MAPK9: variants seen among roughly 807,000 people sequenced by gnomAD.
MAPK9 encodes the protein Jun kinase.
Under a neutral mutation model 57.1 loss-of-function variants are expected in MAPK9, and 30 were observed. The ratio of observed to expected loss-of-function variants is 0.53; its 90% CI spans 0.39 to 0.71. The LOEUF (loss-of-function observed/expected upper bound fraction) is 0.71. Among genes scored for constraint, MAPK9 ranks in the 30% least tolerant of loss-of-function variants. The pLI, the probability that MAPK9 is intolerant of heterozygous loss-of-function variation, is 0.00. For synonymous variants in MAPK9, 155 were observed against 177.0 expected (o/e 0.88, Z 0.99); for missense variants, 362 against 521.0 (o/e 0.69, Z 2.97).
intron 5 of MAPK9, among the ~76,000 whole-genome samples, chr5:180,250,200 A>G (rs769584302): frequency 6.6e-6 from 1 of 152,090 alleles, no homozygotes; most frequent in Non-Finnish European, 1.5e-5. Context: ...GACACTTGGG[A>G]AGTGTCTGCA....
chr5:180,269,200 A>G (rs1315397934), intron 3 of MAPK9, 80 bp downstream of exon 3: 2 of 1,422,916 alleles, frequency 1.4e-6, no homozygotes, highest in African/African-American at 1.4e-5. Context: ...TCTGAACTCA[A>G]TGTATCTCCA....
intron 3 of MAPK9, among the ~76,000 whole-genome samples, chr5:180,267,432 G>C (rs1031425441): frequency 5.3e-4 from 81 of 151,722 alleles, no homozygotes; most frequent in Non-Finnish European, 9.4e-4. Flanking sequence ...TGTGGTGGCG[G>C]GCACCTGTAG....
chr5:180,251,544 T>C (rs1259566089), intron 5 of MAPK9, among the ~76,000 whole-genome samples: 2 of 152,282 alleles, frequency 1.3e-5, no homozygotes, highest in South Asian at 4.1e-4. Context: ...GTGTGGCCAA[T>C]GGGGAGGTGG....
intron 1 of MAPK9, among the ~76,000 whole-genome samples, chr5:180,283,346 T>C (rs1488823546): frequency 6.6e-6 from 1 of 152,212 alleles, no homozygotes; most frequent in Non-Finnish European, 1.5e-5. Flanking sequence ...TCCTTGCTGC[T>C]GGCTGAGGGA....
At chr5:180,267,568 A>C (rs1051671775) in intron 3 of MAPK9, among the ~76,000 whole-genome samples, 2 of 151,082 alleles carry the variant, frequency 1.3e-5, no homozygotes, top group Admixed American at 6.6e-5. Context: ...TCTCAAAAAA[A>C]AAAAAAAAAA....
chr5:180,250,985 C>CA (rs34562145), intron 5 of MAPK9, among the ~76,000 whole-genome samples: 1,666 of 152,248 alleles, frequency 0.011, 27 homozygotes, highest in African/African-American at 0.037. Context: ...TTTTTAAAAT[C>CA]AAAGAGTATG....
At chr5:180,240,222 A>C (rs1391836033) in intron 9 of MAPK9, among the ~76,000 whole-genome samples, 3 of 152,204 alleles carry the variant, frequency 2.0e-5, no homozygotes, top group Non-Finnish European at 4.4e-5. Context: ...TAATCACCTG[A>C]CCTCAAAACG....
At chr5:180,284,709 T>C (rs1762592863) in intron 1 of MAPK9, among the ~76,000 whole-genome samples, 2 of 152,240 alleles carry the variant, frequency 1.3e-5, no homozygotes, top group Admixed American at 1.3e-4. Context: ...TAACACTTCT[T>C]GTAACAGGCA....
chr5:180,269,847 T>G (rs985216661), intron 2 of MAPK9, among the ~76,000 whole-genome samples: 15 of 152,208 alleles, frequency 9.9e-5, no homozygotes, highest in Admixed American at 9.8e-4. Flanking sequence ...GGAGAATAAA[T>G]CTAAATTTTG....
At chr5:180,248,831 T>G in intron 6 of MAPK9, 142 bp downstream of exon 6, 2 of 744,570 alleles carry the variant, frequency 2.7e-6, no homozygotes, top group Non-Finnish European at 4.0e-6. Context: ...AATTATTTCT[T>G]ATCTCTGGAT....
intron 6 of MAPK9, 118 bp downstream of exon 6, chr5:180,248,855 G>T: frequency 1.1e-6 from 1 of 941,022 alleles, no homozygotes; most frequent in Non-Finnish European, 1.5e-6. Flanking sequence ...GCTATATTCT[G>T]GGTGTAACAG....
intron 10 of MAPK9, among the ~76,000 whole-genome samples, chr5:180,239,601 A>C (rs1306166283): frequency 6.6e-6 from 1 of 152,248 alleles, no homozygotes; most frequent in Admixed American, 6.5e-5. Flanking sequence ...AAACATATGT[A>C]CAACTACATG....
intron 2 of MAPK9, among the ~76,000 whole-genome samples, chr5:180,271,949 A>C (rs1408729877): frequency 6.6e-6 from 1 of 152,236 alleles, no homozygotes; most frequent in Non-Finnish European, 1.5e-5. Flanking sequence ...CTAATAAAAA[A>C]TGCCAGTTTT....
At chr5:180,284,602 T>C (rs763559366) in intron 1 of MAPK9, among the ~76,000 whole-genome samples, 35 of 152,374 alleles carry the variant, frequency 2.3e-4, no homozygotes, top group Non-Finnish European at 4.7e-4. Context: ...CTAATAAAAA[T>C]GTTAACTGCA....
At chr5:180,287,365 C>T (rs763103271) in intron 1 of MAPK9, among the ~76,000 whole-genome samples, 58 of 152,218 alleles carry the variant, frequency 3.8e-4, no homozygotes, top group Non-Finnish European at 4.8e-4. Context: ...TGGGACCTCT[C>T]TGTGCCATTT....
chr5:180,280,598 G>A lies in MAPK9; in HGVS notation c.-37C>T. 1 of 1,599,318 alleles carries A rather than the reference G, an allele frequency of 6.3e-7. No homozygotes were observed. Among genetic ancestry groups the A allele is most frequent in the Non-Finnish European group, 8.5e-7 (1 of 1,171,712 alleles). The stretch of plus-strand genomic sequence containing the variant: ...CTGCAATATCCCGAAGGGTGGGCAA[G>A]TTTCAGATCCCTTCAAAGAAAAACA... On this transcript the variant is annotated 5_prime_UTR_variant, in exon 2 of 12. Coordinates refer to ENST00000452135, the MANE Select transcript of MAPK9 (RefSeq NM_002752.5).
At chr5:180,274,168 T>G (rs1761610317) in intron 2 of MAPK9, among the ~76,000 whole-genome samples, 1 of 152,212 alleles carries the variant, frequency 6.6e-6, no homozygotes, top group Admixed American at 6.5e-5. Context: ...AGATTTTTCC[T>G]CCAGATATGA....
rs926176027 is a variant in MAPK9 at position 180,253,298 on chromosome 5, C to T, written c.451-4160G>A. Among the ~76,000 whole-genome samples, 32 of 152,340 alleles carry T rather than the reference C, an allele frequency of 2.1e-4. 1 individual carries two copies. Among genetic ancestry groups the T allele is most frequent in the Admixed American group, 1.7e-3 (26 of 15,304 alleles). ...CTTCCTTCTCGCACAGGCCTCCTCCCGGCCAGTCCCTCGCCTGTCTAACCC... is the reference window on the plus strand; with the variant it reads ...CTTCCTTCTCGCACAGGCCTCCTCCTGGCCAGTCCCTCGCCTGTCTAACCC... On this transcript the variant is annotated intron_variant, in intron 5 of 11. Coordinates refer to ENST00000452135, the MANE Select transcript of MAPK9 (RefSeq NM_002752.5).
At chr5:180,242,146 G>A (rs1757723030) in intron 8 of MAPK9, among the ~76,000 whole-genome samples, 1 of 152,190 alleles carries the variant, frequency 6.6e-6, no homozygotes, top group Non-Finnish European at 1.5e-5. Flanking sequence ...TTACCTTCAT[G>A]CGGACAGAAT....
Sources: gnomAD v4.1 joint callset for allele counts (sites outside exome capture counted in the v4.1 genomes callset) on GRCh38, gnomAD v4.1.1 for gene constraint, MANE v1.5 for transcripts, NCBI Gene and HGNC (gene_info 2026-07-23, HGNC 2026-07-21) for gene names.